The following DRAXIN variants were observed in gnomAD, a reference collection of about 807,000 sequenced individuals.
The protein encoded by DRAXIN is dorsal inhibitory axon guidance protein.
Under a neutral mutation model 33.9 loss-of-function variants are expected in DRAXIN, and 27 were observed. The ratio of observed to expected loss-of-function variants is 0.80; its 90% confidence interval spans 0.59 to 1.10. DRAXIN has a LOEUF of 1.10. DRAXIN is among the 50% of genes least tolerant of loss of function. The pLI is 0.00. For synonymous variants in DRAXIN, 178 were observed against 194.0 expected, an observed-to-expected ratio of 0.92 and a Z score of 0.69; for missense variants, 371 against 460.8, an observed-to-expected ratio of 0.81 and a Z score of 1.78.
At chr1:11,690,578 T>C (rs920883143), upstream of DRAXIN, among the ~76,000 whole-genome samples, 113 of 152,178 alleles carry the variant, frequency 7.4e-4, no homozygotes, top group Non-Finnish European at 1.6e-4. The surrounding 1 kb of genome is among the most constrained non-coding windows in gnomAD (Gnocchi z 4.2). Flanking sequence ...AACTGTGTTC[T>C]AAAACCTCAA....
At chr1:11,695,477 T>G (rs1641176265) in intron 1 of DRAXIN, among the ~76,000 whole-genome samples, 2 of 151,766 alleles carry the variant, frequency 1.3e-5, no homozygotes, top group South Asian at 2.1e-4. Flanking sequence ...TCCCAGCTAC[T>G]TGGGAGGCTG....
intron 5 of DRAXIN, among the ~76,000 whole-genome samples, chr1:11,713,076 T>A (rs991447147): frequency 6.6e-6 from 1 of 151,680 alleles, no homozygotes; most frequent in African/African-American, 2.4e-5. Flanking sequence ...TGTGCGCCTG[T>A]AATCTCAGCT....
At position 11,706,657 on chromosome 1, in the gene DRAXIN, G is replaced by A. The variant is rs769735746; in HGVS notation, c.399G>A (p.Arg133=). The A allele has an allele frequency of 2.5e-6, 4 of 1,598,530 alleles. No individual in the cohort carries two copies. The highest frequency in any genetic ancestry group is 1.7e-6 in the Non-Finnish European group (2 of 1,179,176). ...ENRPPGWERT[R]KRSREHKRRR... ...GACCTCCAGGTTGGGAGAGGACCAG[G>A]AAACGCAGCAGGGAGCACAAGAGAC... Residue 133 remains arginine, a synonymous_variant, in exon 2 of 7, where the codon AGG becomes AGA. Transcript: ENST00000294485. This position sits in a 1 kb window ranked among gnomAD's most constrained non-coding sequence, Gnocchi z 5.5.
In DRAXIN at chr1:11,696,155, G is replaced by A. The variant is rs1369409027; in HGVS notation, c.-11+4302G>A. 1.3e-5 allele frequency among the ~76,000 whole-genome samples: 2 copies of A among 152,084 alleles called. No individual in the cohort carries two copies. The highest frequency in any genetic ancestry group is 4.8e-5 in the African/African-American group (2 of 41,416). On this transcript the variant is annotated intron_variant, in intron 1 of 6. Coordinates refer to ENST00000294485, the MANE Select transcript of DRAXIN (RefSeq NM_198545.4). This position sits in a 1 kb window ranked among gnomAD's most constrained non-coding sequence, Gnocchi z 4.7. ...TGCGCCTGCCCCTTTGCACACCCAGGCACAGATGCACAAATGCTTCCAGGA... is the reference window on the plus strand; with the variant it reads ...TGCGCCTGCCCCTTTGCACACCCAGACACAGATGCACAAATGCTTCCAGGA...
Position 11,705,514 on chromosome 1 carries a change from T to C in DRAXIN, c.-10-735T>C, listed in dbSNP as rs1009673868. On this transcript the variant is annotated intron_variant, in intron 1 of 6. Transcript: ENST00000294485. This position sits in a 1 kb window ranked among gnomAD's most constrained non-coding sequence, Gnocchi z 4.8. ...GGGAAGGGACAGTGTCAGAACATTC[T>C]GGGGCCTCAGAGCTCATCATGAGAG... 2.0e-5 allele frequency among the ~76,000 whole-genome samples: 3 copies of C among 152,022 alleles called. No homozygotes were observed. In the East Asian group the frequency reaches 5.8e-4, roughly 29 times the overall value.
intron 2 of DRAXIN, among the ~76,000 whole-genome samples, chr1:11,708,272 A>G (rs2100738426): frequency 6.6e-6 from 1 of 152,248 alleles, no homozygotes; most frequent in Non-Finnish European, 1.5e-5. Context: ...TGGGGAACGG[A>G]GAAGGTTTGC....
In DRAXIN at chr1:11,703,223, C is replaced by T. The variant is rs376443394; in HGVS notation, c.-10-3026C>T. Among the ~76,000 whole-genome samples, 19 of 152,286 alleles carry T rather than the reference C, an allele frequency of 1.2e-4. 2 individuals carry two copies. The highest frequency in any genetic ancestry group is 2.1e-4 in the South Asian group (1 of 4,822). ...GACGGTCCCAGCACAAAATGACACA[C>T]GAGGTCTTCAAGAGCAGGACAAAGG... On this transcript the variant is annotated intron_variant, in intron 1 of 6. Coordinates refer to ENST00000294485, the MANE Select transcript of DRAXIN (RefSeq NM_198545.4).
Position 11,719,979 on chromosome 1 carries a change from G to A in DRAXIN, c.*283G>A, listed in dbSNP as rs1429520414. 7.2e-6 allele frequency: 3 copies of A among 415,642 alleles called. No individual in the cohort carries two copies. Among genetic ancestry groups the A allele is most frequent in the Non-Finnish European group, 1.4e-5 (3 of 221,136 alleles). 25.7% of individuals were successfully genotyped at this position (415,642 alleles called of 1,614,324 possible). A position where few individuals can be genotyped will look rare whatever the true frequency, so the allele number is the denominator to read the frequency against. On this transcript the variant is annotated 3_prime_UTR_variant, in exon 7 of 7. Coordinates refer to ENST00000294485, the MANE Select transcript of DRAXIN (RefSeq NM_198545.4). ...ATGCCGAGAGTGCCCTCTACTGTCC[G>A]ACTCCAGCACTGCAACAGCTTCAAG...
At chr1:11,693,710 T>TACC (rs1641141415) in intron 1 of DRAXIN, among the ~76,000 whole-genome samples, 1 of 152,156 alleles carries the variant, frequency 6.6e-6, no homozygotes, top group South Asian at 2.1e-4. Context: ...CGGCCCTTCA[T>TACC]ACCATCTCTA....
At chr1:11,707,764 C>G (rs1641413310) in intron 2 of DRAXIN, among the ~76,000 whole-genome samples, 1 of 152,182 alleles carries the variant, frequency 6.6e-6, no homozygotes, top group Non-Finnish European at 1.5e-5. Flanking sequence ...AGCTAGCTAG[C>G]CCCCTGCTGG....
intron 2 of DRAXIN, 133 bp from the exon 3 acceptor site, chr1:11,709,141 TG>T: frequency 1.1e-6 from 1 of 913,594 alleles, no homozygotes; most frequent in Non-Finnish European, 1.6e-6. Flanking sequence ...GAAGCAGGAA[TG>T]GGGGCTGAAC....
Position 11,706,295 on chromosome 1 carries a change from T to C in DRAXIN, c.37T>C (p.Phe13Leu). The C allele has an allele frequency of 6.2e-7, 1 of 1,612,108 alleles. No individual in the cohort carries two copies. The highest frequency in any genetic ancestry group is 8.5e-7 in the Non-Finnish European group (1 of 1,179,316). The change falls in exon 2 of 7, where the codon TTC becomes CTC. Residue 13 changes from phenylalanine to leucine, a missense_variant. By Grantham distance (22) the Phe-to-Leu change is conservative (BLOSUM62 0). Coordinates refer to ENST00000294485, the MANE Select transcript of DRAXIN (RefSeq NM_198545.4). This position sits in a 1 kb window ranked among gnomAD's most constrained non-coding sequence, Gnocchi z 5.5. ...TGCCATCCACACCGCTCCCATGCTG[T>C]TCCTCGTCCTCCTGCTGCCCCTGGA... ...GPAIHTAPML[F>L]LVLLLPLELS...
Position 11,704,368 on chromosome 1 carries a change from A to G in DRAXIN, c.-10-1881A>G. On this transcript the variant is annotated intron_variant, in intron 1 of 6. Transcript: ENST00000294485. The surrounding 1 kb of genome is among the most constrained non-coding windows in gnomAD (Gnocchi z 4.6). Reference sequence around the variant, plus strand: ...TCTGGCAGTGGTCAGGCTAAATGCCAGCCCAGAGAGCAGCCCCGCTCCACT... The same window carrying G: ...TCTGGCAGTGGTCAGGCTAAATGCCGGCCCAGAGAGCAGCCCCGCTCCACT... 6.6e-6 allele frequency among the ~76,000 whole-genome samples: 1 copy of G among 152,086 alleles called. No homozygotes were observed. The highest frequency in any genetic ancestry group is 1.9e-4 in the East Asian group (1 of 5,166).
At position 11,706,492 on chromosome 1, in the gene DRAXIN, G is replaced by A. The variant is rs751427342; in HGVS notation, c.234G>A (p.Gly78=). 2.2e-5 allele frequency: 36 copies of A among 1,611,474 alleles called. No homozygotes were observed. Among genetic ancestry groups the A allele is most frequent in the Non-Finnish European group, 2.8e-5 (33 of 1,179,326 alleles). The change falls in exon 2 of 7, where the codon GGG becomes GGA. Residue 78 remains glycine, a synonymous_variant. Transcript: ENST00000294485. The surrounding 1 kb of genome is among the most constrained non-coding windows in gnomAD (Gnocchi z 5.5). ...GPGLPSQAQD[G]AVVTATRQAS... The stretch of plus-strand genomic sequence containing the variant: ...GCCTGCCCAGCCAGGCCCAGGATGG[G>A]GCTGTGGTCACCGCCACCAGGCAGG...
At chr1:11,715,020 C>T in intron 5 of DRAXIN, 99 bp from the exon 6 acceptor site, 1 of 1,430,520 alleles carries the variant, frequency 7.0e-7, no homozygotes, top group Admixed American at 1.7e-5. Context: ...CGCGGCCTGC[C>T]ACAGAGATGA....
At chr1:11,695,411 T>C (rs1641175298) in intron 1 of DRAXIN, among the ~76,000 whole-genome samples, 1 of 151,534 alleles carries the variant, frequency 6.6e-6, no homozygotes, top group Admixed American at 6.6e-5. Context: ...CAACCCTATC[T>C]CTACTAAAAA....
At position 11,719,654 on chromosome 1, in the gene DRAXIN, C is replaced by G; in HGVS notation, c.1008C>G (p.Pro336=). Residue 336 remains proline (P), a synonymous_variant, in exon 7 of 7, where the codon CCC becomes CCG. Transcript: ENST00000294485. ...GGAGGAAAGGGCGCTGTGTGGAGCC[C>G]GAGACGGCCAACGGCGACCAGGGAT... ...VTRRKGRCVE[P]ETANGDQGSF... The G allele has an allele frequency of 6.2e-7, 1 of 1,614,086 alleles. No homozygotes were observed. Among genetic ancestry groups the G allele is most frequent in the Middle Eastern group, 1.7e-4 (1 of 6,054 alleles).
At chr1:11,687,428 T>C (rs971881249), upstream of DRAXIN, among the ~76,000 whole-genome samples, 3 of 152,128 alleles carry the variant, frequency 2.0e-5, no homozygotes, top group Admixed American at 1.3e-4. The surrounding 1 kb of genome is among the most constrained non-coding windows in gnomAD (Gnocchi z 4.1). Flanking sequence ...TTAGTAGACA[T>C]GAGGTTTTGC....
rs1246528533 is a variant in DRAXIN, at chr1:11,692,108, T to C, written c.-11+255T>C. 2.0e-5 allele frequency among the ~76,000 whole-genome samples: 3 copies of C among 152,026 alleles called. No individual in the cohort carries two copies. The highest frequency in any genetic ancestry group is 4.4e-5 in the Non-Finnish European group (3 of 67,968). On this transcript the variant is annotated intron_variant, in intron 1 of 6. Transcript: ENST00000294485. This position sits in a 1 kb window ranked among gnomAD's most constrained non-coding sequence, Gnocchi z 5.8. ...GGCTCCCCATCCGTCCACCTACCGC[T>C]GGACGCCCACTTTTCCACGCTCTGA...
Sources: gnomAD v4.1 joint callset for allele counts (sites outside exome capture counted in the v4.1 genomes callset) on GRCh38, gnomAD v4.1.1 for gene constraint, Gnocchi (gnomAD v3.1) non-coding constraint, MANE v1.5 for transcripts, NCBI Gene and HGNC (gene_info 2026-07-23, HGNC 2026-07-21) for gene names.